CIT: variants seen among roughly 807,000 people sequenced by gnomAD.
CIT encodes citron Rho-interacting kinase.
In CIT, 79 loss-of-function variants were observed where a neutral mutation model predicts 272.7. The observed-to-expected ratio is 0.29, with a 90% CI of 0.24 to 0.35. The LOEUF (loss-of-function observed/expected upper bound fraction) is 0.35, where lower values mean the gene tolerates loss of function less well. Ranked by LOEUF, CIT falls within the 10% of genes least tolerant of loss-of-function variation. The pLI is 1.00. For synonymous variants in CIT, 948 were observed against 995.6 expected (o/e 0.95, Z 0.90); for missense variants, 1,909 against 2,618.3 (o/e 0.73, Z 5.91).
chr12:119,777,419 C>T (rs529905782), intron 13 of CIT, among the ~76,000 whole-genome samples: 2 of 152,144 alleles, frequency 1.3e-5, no homozygotes, highest in East Asian at 1.9e-4. Context: ...TGCCTGTAAT[C>T]CCAGAACTTT....
Position 119,698,033 on chromosome 12 carries a change from A to T in CIT, c.5645T>A (p.Phe1882Tyr). The T allele has an allele frequency of 1.2e-6, 2 of 1,614,160 alleles. No homozygotes were observed. Among genetic ancestry groups the T allele is most frequent in the Non-Finnish European group, 1.7e-6 (2 of 1,180,020 alleles). Residue 1882 changes from phenylalanine (F) to tyrosine (Y), a missense_variant, in exon 45 of 48, where the codon TTT (phenylalanine) becomes TAT (tyrosine). Transcript: ENST00000392521. The part of the protein sequence containing the change: ...LAFAYREPYL[F>Y]VTHFNSLEVI... ...TTCGAGTGAGTTGAAGTGGGTCACA[A>T]ACAGATAGGGTTCTCTGTAGGCTGT...
chr12:119,778,771 G>A (rs1010387912), intron 13 of CIT, among the ~76,000 whole-genome samples: 7 of 152,006 alleles, frequency 4.6e-5, no homozygotes, highest in South Asian at 2.1e-4. Flanking sequence ...ATGGAACACG[G>A]GTCTCATTTC....
In CIT at chr12:119,795,224, A is replaced by C. The variant is rs1965630470; in HGVS notation, c.1295+7982T>G. Among the ~76,000 whole-genome samples, 6 of 152,126 alleles carry C rather than the reference A, an allele frequency of 3.9e-5. 1 individual carries two copies. In the South Asian group the frequency reaches 1.2e-3, roughly 32 times the overall value. On this transcript the variant is annotated intron_variant, in intron 10 of 47. Coordinates refer to ENST00000392521, the MANE Select transcript of CIT (RefSeq NM_001206999.2). The stretch of plus-strand genomic sequence containing the variant: ...TGGTGAAACCCAGCCTCTACTAAAA[A>C]TACAAAAACAAAATTAGCTGGGCGT...
chr12:119,697,708 C>A lies in CIT; in HGVS notation c.5833G>T (p.Val1945Leu). 2 of 1,614,166 alleles carry A rather than the reference C, an allele frequency of 1.2e-6. No homozygotes were observed. Among genetic ancestry groups the A allele is most frequent in the South Asian group, 1.1e-5 (1 of 91,078 alleles). ...LRVICCKGNL[V>L]KESGTEHHRG... ...TGGTGTTCAGTGCCGGACTCCTTCA[C>A]GAGGTTTCCCTTGCAGCAAATGACC... is the stretch of plus-strand genomic sequence containing the variant. Residue 1945 changes from valine to leucine, a missense_variant, in exon 46 of 48, where the codon GTG (valine) becomes TTG (leucine). Physicochemically the swap from Val to Leu is conservative, Grantham distance 32 (BLOSUM62 1). Transcript: ENST00000392521. This position sits in a 1 kb window ranked among gnomAD's most constrained non-coding sequence, Gnocchi z 4.9.
chr12:119,753,872 C>G (rs1960596792), intron 22 of CIT, among the ~76,000 whole-genome samples: 1 of 152,146 alleles, frequency 6.6e-6, no homozygotes, highest in African/African-American at 2.4e-5. Flanking sequence ...TCAGTCTTAA[C>G]ATGTTGAACT....
intron 30 of CIT, among the ~76,000 whole-genome samples, 181 bp downstream of exon 30, chr12:119,720,297 T>C (rs1204741179): frequency 6.6e-6 from 1 of 152,252 alleles, no homozygotes; most frequent in Non-Finnish European, 1.5e-5. Flanking sequence ...ATCACTGATA[T>C]CTTTCAGTAA....
At position 119,710,353 on chromosome 12, in the gene CIT, C is replaced by T. The variant is rs749790889; in HGVS notation, c.4969G>A (p.Ala1657Thr). 9 of 1,614,048 alleles carry T rather than the reference C, an allele frequency of 5.6e-6. No homozygotes were observed. The highest frequency in any genetic ancestry group is 2.2e-5 in the South Asian group (2 of 91,090). Reference protein sequence around the residue: ...VLVGTEEGLYALNVLKNSLTH... With the variant: ...VLVGTEEGLYTLNVLKNSLTH... ...AGGGAGTTTTTCAAGACATTCAGGG[C>T]GTAGAGCCCTTCCTCGGTGCCCACC... The change falls in exon 39 of 48, where the codon GCC (alanine) becomes ACC (threonine). Residue 1657 changes from alanine (A) to threonine (T), a missense_variant. Coordinates refer to ENST00000392521, the MANE Select transcript of CIT (RefSeq NM_001206999.2). The surrounding 1 kb of genome is among the most constrained non-coding windows in gnomAD (Gnocchi z 5.6).
intron 3 of CIT, among the ~76,000 whole-genome samples, chr12:119,863,730 C>T (rs1011091745): frequency 2.0e-5 from 3 of 151,748 alleles, no homozygotes; most frequent in Admixed American, 6.6e-5. Flanking sequence ...GGGGGTTTCA[C>T]CATGTTGGCC....
At chr12:119,736,492 G>A (rs193145025) in intron 24 of CIT, among the ~76,000 whole-genome samples, 73 of 152,300 alleles carry the variant, frequency 4.8e-4, no homozygotes, top group Admixed American at 1.2e-3. Context: ...TGTTAACTGA[G>A]CTGATAACCT....
At chr12:119,860,160 C>T (rs759513759) in intron 3 of CIT, among the ~76,000 whole-genome samples, 15 of 152,216 alleles carry the variant, frequency 9.9e-5, no homozygotes, top group South Asian at 4.2e-4. Context: ...CTTTGTTGCA[C>T]GGGTGGAGTT....
chr12:119,700,635 C>T, intron 44 of CIT, 110 bp downstream of exon 44: 3 of 882,310 alleles, frequency 3.4e-6, no homozygotes, highest in Non-Finnish European at 5.8e-6. Context: ...CCCGCCTCGG[C>T]CTCCCAAAGT....
At chr12:119,711,990 A>G (rs1176136935) in intron 37 of CIT, among the ~76,000 whole-genome samples, 188 bp downstream of exon 37, 2 of 151,954 alleles carry the variant, frequency 1.3e-5, no homozygotes, top group African/African-American at 4.8e-5. Context: ...GATGCCACAC[A>G]AGCTACCTTG....
At chr12:119,808,904 T>C (rs1037553664) in intron 9 of CIT, among the ~76,000 whole-genome samples, 1 of 152,136 alleles carries the variant, frequency 6.6e-6, no homozygotes, top group Non-Finnish European at 1.5e-5. Flanking sequence ...GACAGAACTG[T>C]GAAATAAATG....
chr12:119,835,199 CTA>C (rs1968911754), intron 5 of CIT, among the ~76,000 whole-genome samples: 1 of 152,228 alleles, frequency 6.6e-6, no homozygotes, highest in African/African-American at 2.4e-5. Flanking sequence ...CCCTAGGTAG[CTA>C]TAAGGCCAGT....
Position 119,775,841 on chromosome 12 carries a change from T to C in CIT, c.1888-2A>G, listed in dbSNP as rs1406781133. On this transcript the variant is annotated splice_acceptor_variant, in intron 15 of 47. Coordinates refer to ENST00000392521, the MANE Select transcript of CIT (RefSeq NM_001206999.2). LOFTEE classifies it high-confidence loss of function. ...TTTGAGCTGCTGCTCAGCATTGATC[T>C]ATAATTAAAATCCCAGGAAATAAAG... The C allele has an allele frequency of 6.2e-7, 1 of 1,611,074 alleles. No individual in the cohort carries two copies. The highest frequency in any genetic ancestry group is 2.2e-5 in the East Asian group (1 of 44,834).
chr12:119,719,129 A>G, intron 30 of CIT: 4 of 413,426 alleles, frequency 9.7e-6, no homozygotes, highest in Non-Finnish European at 1.8e-5. Flanking sequence ...TAGCATTGCC[A>G]AGACAGGAGA....
chr12:119,765,671 C>T (rs577117752), intron 19 of CIT, among the ~76,000 whole-genome samples: 5 of 151,600 alleles, frequency 3.3e-5, no homozygotes, highest in Admixed American at 6.6e-5. Flanking sequence ...GGGGTCTCGT[C>T]AAGTTGCCTA....
chr12:119,775,749 T>TG (rs768761412), intron 16 of CIT, 37 bp downstream of exon 16: 6 of 1,541,892 alleles, frequency 3.9e-6, no homozygotes, highest in Non-Finnish European at 5.4e-6. Context: ...AAGGAGGTGG[T>TG]GGGGGGTAAG....
At chr12:119,741,793 A>G (rs1019681345) in intron 24 of CIT, among the ~76,000 whole-genome samples, 2 of 152,210 alleles carry the variant, frequency 1.3e-5, no homozygotes, top group African/African-American at 4.8e-5. Flanking sequence ...CTCATCAAAA[A>G]TAGACTGAAT....
Sources: gnomAD v4.1 joint callset for allele counts (sites outside exome capture counted in the v4.1 genomes callset) on GRCh38, gnomAD v4.1.1 for gene constraint, Gnocchi (gnomAD v3.1) non-coding constraint, MANE v1.5 for transcripts, NCBI Gene and HGNC (gene_info 2026-07-23, HGNC 2026-07-21) for gene names.